AK7: variants seen among roughly 807,000 people sequenced by gnomAD.
AK7 encodes adenylate kinase 7.
Under a neutral mutation model 96.6 loss-of-function variants are expected in AK7, and 78 were observed. The ratio of observed to expected loss-of-function variants is 0.81; its 90% CI spans 0.67 to 0.97. The LOEUF is 0.97. AK7 is among the 50% of genes least tolerant of loss of function. AK7 has a pLI of 0.00. For synonymous variants in AK7, 302 were observed against 317.2 expected (o/e 0.95, Z 0.51); for missense variants, 855 against 887.9 (o/e 0.96, Z 0.47).
At chr14:96,429,819 T>A (rs1892243698) in intron 5 of AK7, among the ~76,000 whole-genome samples, 1 of 151,864 alleles carries the variant, frequency 6.6e-6, no homozygotes, top group African/African-American at 2.4e-5. Context: ...TTTTGTATCC[T>A]GAGACTTTGC....
In AK7 at chr14:96,451,463, G is replaced by A; in HGVS notation, c.991G>A (p.Ala331Thr). 6.3e-7 allele frequency: 1 copy of A among 1,596,512 alleles called. No individual in the cohort carries two copies. Among genetic ancestry groups the A allele is most frequent in the Non-Finnish European group, 8.5e-7 (1 of 1,170,606 alleles). ...TTTACTGGTCAACTTAAGAATGGAA[G>A]CGCTCTTTGTGAAGGAGAATTTTAA... ...DHLLVNLRME[A>T]LFVKENFNIR... Residue 331 changes from alanine to threonine, a missense_variant, in exon 10 of 18, where the codon GCG becomes ACG. By Grantham distance (58) the Ala-to-Thr change is moderately conservative (BLOSUM62 0). Transcript: ENST00000267584.
At chr14:96,456,585 C>G in intron 11 of AK7, 110 bp downstream of exon 11, 1 of 1,332,648 alleles carries the variant, frequency 7.5e-7, no homozygotes, top group South Asian at 1.4e-5. Context: ...TTTAGATGAT[C>G]CCAATTTTGT....
At chr14:96,462,751 A>G (rs138901905) in intron 12 of AK7, among the ~76,000 whole-genome samples, 1 of 152,324 alleles carries the variant, frequency 6.6e-6, no homozygotes, top group Admixed American at 6.5e-5. Context: ...TCTACTGTAC[A>G]TGGGTCATTG....
In AK7 at chr14:96,486,884, A is replaced by G. The variant is rs745622565; in HGVS notation, c.1975-14A>G. ...CACTACACATTTACTTTACCACCAAATATTCTATTTTAGAATAAACGACTG... is the reference window on the plus strand; with the variant it reads ...CACTACACATTTACTTTACCACCAAGTATTCTATTTTAGAATAAACGACTG... On this transcript the variant is annotated splice_polypyrimidine_tract_variant and intron_variant, in intron 16 of 17. Transcript: ENST00000267584. The G allele has an allele frequency of 6.2e-7, 1 of 1,609,350 alleles. No homozygotes were observed. Among genetic ancestry groups the G allele is most frequent in the Non-Finnish European group, 8.5e-7 (1 of 1,176,638 alleles).
intron 6 of AK7, among the ~76,000 whole-genome samples, chr14:96,441,366 T>C (rs962827944): frequency 2.0e-5 from 3 of 152,010 alleles, no homozygotes; most frequent in African/African-American, 7.2e-5. Context: ...AGGCCAGGCA[T>C]GGTGGTTCAC....
chr14:96,473,583 T>C (rs1369637748), intron 14 of AK7, among the ~76,000 whole-genome samples: 1 of 145,998 alleles, frequency 6.8e-6, no homozygotes, highest in East Asian at 2.0e-4. Context: ...TAAAGTAGGA[T>C]TTTTTTTTTT....
chr14:96,399,765 T>C lies in AK7; in HGVS notation c.294+1502T>C, dbSNP rs756242183. ...CACTGACTAAGCGCCCAAGTCCTCCTTCCCAGCTTCTTTCTCTGGCTCCTT... is the reference window on the plus strand; with the variant it reads ...CACTGACTAAGCGCCCAAGTCCTCCCTCCCAGCTTCTTTCTCTGGCTCCTT... On this transcript the variant is annotated intron_variant, in intron 2 of 17. Coordinates refer to ENST00000267584, the MANE Select transcript of AK7 (RefSeq NM_152327.5). The surrounding 1 kb of genome is among the most constrained non-coding windows in gnomAD (Gnocchi z 4.1). 1.3e-5 allele frequency among the ~76,000 whole-genome samples: 2 copies of C among 152,196 alleles called. No individual in the cohort carries two copies. Among genetic ancestry groups the C allele is most frequent in the African/African-American group, 2.4e-5 (1 of 41,454 alleles).
intron 15 of AK7, among the ~76,000 whole-genome samples, chr14:96,478,907 C>CT (rs147640900): frequency 0.074 from 10,398 of 140,880 alleles, 383 homozygotes; most frequent in African/African-American, 0.12. Context: ...ATGACAAATC[C>CT]TTTTTTTTTT....
At chr14:96,398,364 T>C in intron 2 of AK7, 101 bp downstream of exon 2, 1 of 1,258,264 alleles carries the variant, frequency 7.9e-7, no homozygotes. Flanking sequence ...CCCTCCCCTC[T>C]CTTCCACAGA....
At chr14:96,447,906 A>G (rs968562157) in intron 8 of AK7, among the ~76,000 whole-genome samples, 9 of 151,994 alleles carry the variant, frequency 5.9e-5, no homozygotes, top group Admixed American at 5.2e-4. Context: ...GCTACTCCCT[A>G]TTCATTTTTA....
chr14:96,487,432 C>CTT (rs1164556067), intron 17 of AK7, among the ~76,000 whole-genome samples: 6 of 119,536 alleles, frequency 5.0e-5, no homozygotes, highest in African/African-American at 9.6e-5. Flanking sequence ...CTGCCTGAAT[C>CTT]TTTTTTTTTT....
intron 5 of AK7, among the ~76,000 whole-genome samples, chr14:96,434,637 C>T (rs1317930123): frequency 6.6e-6 from 1 of 152,190 alleles, no homozygotes; most frequent in Non-Finnish European, 1.5e-5. Flanking sequence ...CCACAATCAG[C>T]AGGTGGCATA....
chr14:96,423,916 G>A lies in AK7; in HGVS notation c.609+2984G>A, dbSNP rs573900441. 44 of 1,058,312 alleles carry A rather than the reference G, an allele frequency of 4.2e-5. No individual in the cohort carries two copies. In the South Asian group the frequency reaches 5.0e-4, roughly 12 times the overall value. 65.6% of individuals were successfully genotyped at this position (1,058,312 alleles called of 1,614,324 possible). On this transcript the variant is annotated intron_variant, in intron 5 of 17. Coordinates refer to ENST00000267584, the MANE Select transcript of AK7 (RefSeq NM_152327.5). The stretch of plus-strand genomic sequence containing the variant: ...GAGCCCACATAATCCGGAGAGGACT[G>A]TGCCACTGCTGATGTCACTGCCCTT...
chr14:96,395,520 G>A (rs988104784), intron 1 of AK7, among the ~76,000 whole-genome samples: 13 of 151,988 alleles, frequency 8.6e-5, no homozygotes, highest in African/African-American at 2.9e-4. Flanking sequence ...TACAAAAAAC[G>A]GAGGTGATAT....
At chr14:96,460,255 A>C (rs1894179652) in intron 12 of AK7, among the ~76,000 whole-genome samples, 1 of 152,222 alleles carries the variant, frequency 6.6e-6, no homozygotes, top group South Asian at 2.1e-4. Context: ...CATCATGTTT[A>C]CACTTGGACA....
At chr14:96,438,765 G>T (rs1270913483) in intron 6 of AK7, among the ~76,000 whole-genome samples, 2 of 152,160 alleles carry the variant, frequency 1.3e-5, no homozygotes, top group South Asian at 4.1e-4. Flanking sequence ...CTGTGCTGAG[G>T]ATGTACTATT....
intron 12 of AK7, among the ~76,000 whole-genome samples, chr14:96,464,588 T>A: frequency 6.9e-6 from 1 of 145,196 alleles, no homozygotes. Flanking sequence ...GAGAGAATAG[T>A]GTACTTTATT....
chr14:96,484,658 G>A (rs1230861856), intron 16 of AK7, among the ~76,000 whole-genome samples: 1 of 152,084 alleles, frequency 6.6e-6, no homozygotes, highest in South Asian at 2.1e-4. Flanking sequence ...GCATTTCCTG[G>A]TCTCTGTAAA....
chr14:96,483,206 G>C lies in AK7; in HGVS notation c.1961G>C (p.Arg654Pro), dbSNP rs1312635868. ...GTGGAGATGGCAGAGAAGATAGCTC[G>C]CTGGGAGGAGTGGGTGAGTGGTGAG... The part of the protein sequence containing the change: ...EAVEMAEKIA[R>P]WEEWNKRLEE... Residue 654 changes from arginine (R) to proline (P), a missense_variant, in exon 16 of 18, where the codon CGC becomes CCC. Coordinates refer to ENST00000267584, the MANE Select transcript of AK7 (RefSeq NM_152327.5). 1 of 1,602,500 alleles carries C rather than the reference G, an allele frequency of 6.2e-7. No homozygotes were observed. Among genetic ancestry groups the C allele is most frequent in the Non-Finnish European group, 8.5e-7 (1 of 1,174,936 alleles).
Sources: allele counts gnomAD v4.1 joint callset (sites outside exome capture counted in the v4.1 genomes callset), GRCh38; gene constraint gnomAD v4.1.1; non-coding constraint Gnocchi (gnomAD v3.1); transcripts MANE v1.5; gene names NCBI Gene and HGNC (gene_info 2026-07-23, HGNC 2026-07-21).